OR11H4: variants seen among roughly 807,000 people sequenced by gnomAD.
OR11H4 encodes the protein olfactory receptor family 11 subfamily H member 4.
For synonymous variants in OR11H4, 162 were observed against 142.3 expected (o/e 1.14, Z -0.98); for missense variants, 460 against 371.1 (o/e 1.24, Z -1.97).
chr14:20,241,643 A>G (rs375179274), intron 1 of OR11H4, among the ~76,000 whole-genome samples: 3 of 152,174 alleles, frequency 2.0e-5, no homozygotes, highest in Admixed American at 6.5e-5. Context: ...CACAGAGACA[A>G]AGTATAGAGA....
chr14:20,241,945 C>T (rs1594242858), intron 1 of OR11H4, among the ~76,000 whole-genome samples: 1 of 152,068 alleles, frequency 6.6e-6, no homozygotes, highest in East Asian at 1.9e-4. Context: ...AACAAGGCAG[C>T]ATTACTGCCA....
chr14:20,243,265 T>C lies in OR11H4; in HGVS notation c.444T>C (p.Cys148=), dbSNP rs1206826890. The C allele has an allele frequency of 2.5e-6, 4 of 1,614,098 alleles. No homozygotes were observed. In the African/African-American group the frequency reaches 4.0e-5, roughly 16 times the overall value. Residue 148 remains cysteine (C), a synonymous_variant, in exon 2 of 2, where the codon TGT becomes TGC. Transcript: ENST00000641082. The stretch of plus-strand genomic sequence containing the variant: ...TCTGTGGTAAGCTGGTGTCTTTCTG[T>C]TGGCTTATTGGATTCCTTGGATACC... ...VRFCGKLVSF[C]WLIGFLGYPI...
intron 1 of OR11H4, among the ~76,000 whole-genome samples, chr14:20,241,638 A>G (rs373952960): frequency 1.1e-4 from 16 of 152,212 alleles, no homozygotes; most frequent in African/African-American, 3.9e-4. Flanking sequence ...TAAGACACAG[A>G]GACAAAGTAT....
intron 1 of OR11H4, among the ~76,000 whole-genome samples, chr14:20,242,253 A>C (rs370939481): frequency 6.6e-6 from 1 of 151,960 alleles, no homozygotes; most frequent in African/African-American, 2.4e-5. Context: ...AGGTCCCTGC[A>C]GCTTTCCACA....
Position 20,243,815 on chromosome 14 carries a change from ATGT to A in OR11H4, c.*53_*55del. On this transcript the variant is annotated 3_prime_UTR_variant, in exon 2 of 2. Coordinates refer to ENST00000641082, the MANE Select transcript of OR11H4 (RefSeq NM_001004479.2). ...AGTTCTAACGAAGAACAAGGTCGAG[ATGT>A]TGTCAGTTCTTTAGCAGTCTTTCAG... 1 of 1,522,724 alleles carries A rather than the reference ATGT, an allele frequency of 6.6e-7. No individual in the cohort carries two copies. The highest frequency in any genetic ancestry group is 8.8e-7 in the Non-Finnish European group (1 of 1,136,752). The allele number at this position is 1,522,724 out of a possible 1,614,324, so 94.3% of individuals were successfully genotyped here.
rs1881009606 is a variant in OR11H4 at position 20,244,283 on chromosome 14, A to G, written c.*517A>G. 1 of 152,248 alleles carries G rather than the reference A, an allele frequency of 6.6e-6. No individual in the cohort carries two copies. Among genetic ancestry groups the G allele is most frequent in the Non-Finnish European group, 1.5e-5 (1 of 68,156 alleles). 9.4% of individuals were successfully genotyped at this position (152,248 alleles called of 1,614,324 possible). Reference sequence around the variant, plus strand: ...CAGAAGAATGTCCATCTTCACTCCCATATTCACCAATTTTCCTATCTGCTC... The same window carrying G: ...CAGAAGAATGTCCATCTTCACTCCCGTATTCACCAATTTTCCTATCTGCTC... On this transcript the variant is annotated 3_prime_UTR_variant, in exon 2 of 2. Transcript: ENST00000641082.
intron 1 of OR11H4, among the ~76,000 whole-genome samples, chr14:20,241,581 C>A (rs1880920176): frequency 6.6e-6 from 1 of 152,164 alleles, no homozygotes; most frequent in Non-Finnish European, 1.5e-5. Context: ...CCCCTCCACA[C>A]CTGTGGGTAT....
chr14:20,241,546 CA>C (rs1203698163), intron 1 of OR11H4, among the ~76,000 whole-genome samples: 4 of 152,264 alleles, frequency 2.6e-5, no homozygotes, highest in African/African-American at 9.6e-5. Context: ...CTGGTTCTGC[CA>C]CTAGTGTCTG....
In OR11H4 at chr14:20,243,469, A is replaced by T. The variant is rs376165586; in HGVS notation, c.648A>T (p.Arg216=). 35 of 1,613,708 alleles carry T rather than the reference A, an allele frequency of 2.2e-5. 1 individual carries two copies. In the Admixed American group the frequency reaches 5.8e-4, roughly 27 times the overall value. The part of the protein sequence containing the change: ...VLFFTSMYIL[R]SYILLLTAVF... Reference sequence around the variant, plus strand: ...TTTTCACTAGTATGTACATTCTTCGATCCTATATCCTGTTACTAACAGCTG... The same window carrying T: ...TTTTCACTAGTATGTACATTCTTCGTTCCTATATCCTGTTACTAACAGCTG... Residue 216 remains arginine (R), a synonymous_variant, in exon 2 of 2, where the codon CGA becomes CGT. Coordinates refer to ENST00000641082, the MANE Select transcript of OR11H4 (RefSeq NM_001004479.2).
Position 20,243,839 on chromosome 14 carries a change from T to C in OR11H4, c.*73T>C. 1 of 1,442,692 alleles carries C rather than the reference T, an allele frequency of 6.9e-7. No homozygotes were observed. The highest frequency in any genetic ancestry group is 9.3e-7 in the Non-Finnish European group (1 of 1,073,406). 89.4% of individuals were successfully genotyped at this position (1,442,692 alleles called of 1,614,324 possible). A position where few individuals can be genotyped will look rare whatever the true frequency, so the allele number is the denominator to read the frequency against. On this transcript the variant is annotated 3_prime_UTR_variant, in exon 2 of 2. Coordinates refer to ENST00000641082, the MANE Select transcript of OR11H4 (RefSeq NM_001004479.2). The stretch of plus-strand genomic sequence containing the variant: ...GATGTTGTCAGTTCTTTAGCAGTCT[T>C]TCAGTCCTCAGTCTGAGTAGTTAGA...
intron 1 of OR11H4, among the ~76,000 whole-genome samples, chr14:20,241,105 T>G (rs959150334): frequency 1.3e-5 from 2 of 152,150 alleles, no homozygotes; most frequent in African/African-American, 4.8e-5. Context: ...TCATCTCAGA[T>G]TCTTTTAGAA....
intron 1 of OR11H4, among the ~76,000 whole-genome samples, chr14:20,241,946 A>G (rs1024770000): frequency 2.0e-5 from 3 of 152,066 alleles, no homozygotes; most frequent in African/African-American, 7.2e-5. Context: ...ACAAGGCAGC[A>G]TTACTGCCAA....
rs563240873 is a variant in OR11H4, at chr14:20,244,056, T to C, written c.*290T>C. ...GCCCCATGGTTCATCATTGTATATCTTCTTCCTCATTGCAACAAGACAATA... is the reference window on the plus strand; with the variant it reads ...GCCCCATGGTTCATCATTGTATATCCTCTTCCTCATTGCAACAAGACAATA... On this transcript the variant is annotated 3_prime_UTR_variant, in exon 2 of 2. Coordinates refer to ENST00000641082, the MANE Select transcript of OR11H4 (RefSeq NM_001004479.2). The C allele has an allele frequency of 2.8e-5, 7 of 249,060 alleles. No homozygotes were observed. The highest frequency in any genetic ancestry group is 4.9e-5 in the Admixed American group (1 of 20,406). The allele number at this position is 249,060 out of a possible 1,614,324, so 15.4% of individuals were successfully genotyped here.
chr14:20,240,998 C>G (rs1236833904), intron 1 of OR11H4, among the ~76,000 whole-genome samples: 1 of 152,126 alleles, frequency 6.6e-6, no homozygotes, highest in Admixed American at 6.6e-5. Context: ...CTTGTTGCTA[C>G]TGAAAAGTAC....
chr14:20,241,306 C>T (rs1022031081), intron 1 of OR11H4, among the ~76,000 whole-genome samples: 9 of 152,086 alleles, frequency 5.9e-5, no homozygotes, highest in African/African-American at 2.2e-4. Context: ...AAAATATTAT[C>T]ATGGAGTTGT....
chr14:20,240,868 G>A (rs1017174028), intron 1 of OR11H4, among the ~76,000 whole-genome samples: 22 of 151,822 alleles, frequency 1.4e-4, no homozygotes, highest in Admixed American at 2.0e-4. Context: ...AAGACATTAC[G>A]CCCAGCCAAA....
chr14:20,242,086 A>G (rs1430476817), intron 1 of OR11H4, among the ~76,000 whole-genome samples: 3 of 151,944 alleles, frequency 2.0e-5, no homozygotes, highest in Non-Finnish European at 4.4e-5. Context: ...CTCTATCTCA[A>G]CTGCAAGAGG....
Position 20,243,349 on chromosome 14 carries a change from C to T in OR11H4, c.528C>T (p.His176=). 6.2e-7 allele frequency: 1 copy of T among 1,613,958 alleles called. No individual in the cohort carries two copies. Reference sequence around the variant, plus strand: ...TCTGTGGTCCTAATATCATTGATCACTTCCTGTGTGACATGGACCCATTGA... The same window carrying T: ...TCTGTGGTCCTAATATCATTGATCATTTCCTGTGTGACATGGACCCATTGA... The part of the protein sequence containing the change: ...LPFCGPNIID[H]FLCDMDPLMA... The change falls in exon 2 of 2, where the codon CAC becomes CAT. Residue 176 remains histidine, a synonymous_variant. Coordinates refer to ENST00000641082, the MANE Select transcript of OR11H4 (RefSeq NM_001004479.2).
intron 1 of OR11H4, among the ~76,000 whole-genome samples, chr14:20,240,459 T>C (rs927924841): frequency 3.9e-5 from 6 of 152,200 alleles, no homozygotes; most frequent in Non-Finnish European, 7.3e-5. Context: ...TCAACTTCTG[T>C]GTTCTTTGTT....
Sources: gnomAD v4.1 joint callset for allele counts (sites outside exome capture counted in the v4.1 genomes callset) on GRCh38, gnomAD v4.1.1 for gene constraint, MANE v1.5 for transcripts, NCBI Gene and HGNC (gene_info 2026-07-23, HGNC 2026-07-21) for gene names.